Variants in DDI2 observed in about 807,000 individuals in gnomAD.
The protein encoded by DDI2 is protein DDI1 homolog 2.
In DDI2, 5 loss-of-function variants were observed where a neutral mutation model predicts 48.1. That is an observed-to-expected ratio of 0.10 (90% CI 0.05 to 0.22). DDI2 has a LOEUF of 0.22. DDI2 is among the 10% of genes least tolerant of loss of function. The probability of loss-of-function intolerance (pLI) is 1.00; values close to 1 mark genes in which losing one functional copy is unlikely to be tolerated. For missense variants in DDI2, 285 were observed against 506.2 expected, an observed-to-expected ratio of 0.56 and a Z score of 4.19; for synonymous variants, 205 against 183.6, an observed-to-expected ratio of 1.12 and a Z score of -0.94.
intron 9 of DDI2, 190 bp downstream of exon 9, chr1:15,656,869 A>G: frequency 1.4e-6 from 1 of 709,268 alleles, no homozygotes; most frequent in Middle Eastern, 4.3e-4. Context: ...ACTCCTGTTT[A>G]AAAATGGATT....
Position 15,659,855 on chromosome 1 carries a change from C to T in DDI2, c.*65C>T. 1 of 1,546,520 alleles carries T rather than the reference C, an allele frequency of 6.5e-7. No homozygotes were observed. Among genetic ancestry groups the T allele is most frequent in the Non-Finnish European group, 8.7e-7 (1 of 1,151,790 alleles). ...CATATAGAGAAAAGTGGTAAAGAAT[C>T]TACCTCACTGGGAATGTCATCATTA... On this transcript the variant is annotated 3_prime_UTR_variant, in exon 10 of 10. Coordinates refer to ENST00000480945, the MANE Select transcript of DDI2 (RefSeq NM_032341.5).
Position 15,652,456 on chromosome 1 carries a change from G to C in DDI2, c.1183+561G>C, listed in dbSNP as rs868402226. ...CACTTTGGGAGGCTCCGGAGGGGGG[G>C]GGGGGGGGGCGGATCACCTGAGGTC... is the stretch of plus-strand genomic sequence containing the variant. On this transcript the variant is annotated intron_variant, in intron 8 of 9. Coordinates refer to ENST00000480945, the MANE Select transcript of DDI2 (RefSeq NM_032341.5). Among the ~76,000 whole-genome samples, 32 of 99,840 alleles carry C rather than the reference G, an allele frequency of 3.2e-4. 6 individuals carry two copies. The highest frequency in any genetic ancestry group is 1.2e-3 in the South Asian group (3 of 2,468). 65.5% of individuals were successfully genotyped at this position (99,840 alleles called of 152,430 possible). A position where few individuals can be genotyped will look rare whatever the true frequency, so the allele number is the denominator to read the frequency against.
intron 2 of DDI2, among the ~76,000 whole-genome samples, chr1:15,629,803 C>T (rs1639814991): frequency 6.6e-6 from 1 of 150,760 alleles, no homozygotes; most frequent in Non-Finnish European, 1.5e-5. Flanking sequence ...GCCATCTCGG[C>T]TCACTGCAAC....
intron 8 of DDI2, among the ~76,000 whole-genome samples, chr1:15,653,727 G>A (rs1640229006): frequency 6.6e-6 from 1 of 151,912 alleles, no homozygotes; most frequent in Admixed American, 6.6e-5. Context: ...GAACTCCTGG[G>A]CTCAAGCAAT....
Position 15,667,402 on chromosome 1 carries a change from G to C in DDI2, c.*7612G>C, listed in dbSNP as rs1043130605. 6.6e-6 allele frequency: 1 copy of C among 152,188 alleles called. No homozygotes were observed. The highest frequency in any genetic ancestry group is 1.5e-5 in the Non-Finnish European group (1 of 68,042). 9.4% of individuals were successfully genotyped at this position (152,188 alleles called of 1,614,324 possible). On this transcript the variant is annotated 3_prime_UTR_variant, in exon 10 of 10. Transcript: ENST00000480945. ...CCAGTGACAGTCAGTCAATCCATCAGACCACCTCACATGCAGGGTAGAAAC... is the reference window on the plus strand; with the variant it reads ...CCAGTGACAGTCAGTCAATCCATCACACCACCTCACATGCAGGGTAGAAAC...
chr1:15,633,477 C>T lies in DDI2; in HGVS notation c.544C>T (p.Arg182Ter), dbSNP rs777089239. The T allele has an allele frequency of 6.2e-7, 1 of 1,613,622 alleles. No homozygotes were observed. Among genetic ancestry groups the T allele is most frequent in the Non-Finnish European group, 8.5e-7 (1 of 1,179,724 alleles). ...AGTCCTGGTGGAGCAGCAGCAGGAC[C>T]GAGCCCGGAGAGAGCAAGAAAGGAT... is the stretch of plus-strand genomic sequence containing the variant. ...SRVLVEQQQDRARREQERIRL... is the reference protein window; with the variant it reads ...SRVLVEQQQD The change falls in exon 4 of 10, where the codon CGA becomes TGA. Residue 182 changes from arginine to a stop codon, truncating the protein, a stop_gained. Transcript: ENST00000480945. LOFTEE classifies it high-confidence loss of function.
intron 1 of DDI2, among the ~76,000 whole-genome samples, chr1:15,621,121 A>G (rs1421492063): frequency 6.6e-6 from 1 of 152,204 alleles, no homozygotes; most frequent in Non-Finnish European, 1.5e-5. Context: ...TCTTAATAGA[A>G]GTGTGGGCTT....
intron 4 of DDI2, chr1:15,634,200 T>A: frequency 6.3e-6 from 1 of 158,560 alleles, no homozygotes; most frequent in Non-Finnish European, 1.4e-5. Context: ...ATCTGATGAA[T>A]CAGAATTGTC....
chr1:15,636,507 C>G (rs1046314693), intron 4 of DDI2, among the ~76,000 whole-genome samples: 5 of 151,730 alleles, frequency 3.3e-5, no homozygotes, highest in African/African-American at 7.3e-5. Context: ...GTATCTTGCT[C>G]TGTCGTCCAG....
Position 15,651,762 on chromosome 1 carries a change from C to A in DDI2, c.1050C>A (p.Thr350=). 6.2e-7 allele frequency: 1 copy of A among 1,613,722 alleles called. No individual in the cohort carries two copies. Among genetic ancestry groups the A allele is most frequent in the South Asian group, 1.1e-5 (1 of 91,038 alleles). ...VLVIGTTGSQ[T]TFLPEGELPE... ...TGATCGGCACCACAGGCTCCCAGAC[C>A]ACCTTTCTTCCTGAGGGAGAGCTAC... is the stretch of plus-strand genomic sequence containing the variant. The change falls in exon 8 of 10, where the codon ACC becomes ACA. Residue 350 remains threonine (T), a synonymous_variant. Transcript: ENST00000480945.
At chr1:15,629,733 T>A (rs1168332391) in intron 2 of DDI2, among the ~76,000 whole-genome samples, 2 of 151,910 alleles carry the variant, frequency 1.3e-5, no homozygotes, top group Non-Finnish European at 2.9e-5. Context: ...TTAATTTTTT[T>A]TTTTTTTTTT....
intron 6 of DDI2, among the ~76,000 whole-genome samples, chr1:15,644,793 C>G (rs1037670396): frequency 2.6e-5 from 4 of 151,918 alleles, no homozygotes; most frequent in Admixed American, 6.6e-5. Flanking sequence ...CGGGGTTTCA[C>G]CGTGTTAGCC....
At chr1:15,632,806 A>G (rs1256981285) in intron 3 of DDI2, among the ~76,000 whole-genome samples, 1 of 151,890 alleles carries the variant, frequency 6.6e-6, no homozygotes, top group South Asian at 2.1e-4. Flanking sequence ...GAGTGGAGAC[A>G]TTGATCTGCC....
At chr1:15,647,509 C>G (rs1352547895) in intron 6 of DDI2, among the ~76,000 whole-genome samples, 2 of 152,048 alleles carry the variant, frequency 1.3e-5, no homozygotes, top group Non-Finnish European at 2.9e-5. Context: ...TTTTTTCCCC[C>G]TAGTCAAGAT....
At position 15,651,836 on chromosome 1, in the gene DDI2, C is replaced by G; in HGVS notation, c.1124C>G (p.Pro375Arg). ...AYGAGREDVRPEEIADQELAE... is the reference protein window; with the variant it reads ...AYGAGREDVRREEIADQELAE... ...GGGGCTGGAAGAGAGGATGTACGGC[C>G]AGAGGAGATTGCAGACCAAGAATTA... Residue 375 changes from proline to arginine, a missense_variant, in exon 8 of 10, where the codon CCA becomes CGA. Physicochemically the swap from Pro to Arg is moderately radical, Grantham distance 103. Around this residue, in one of 3 missense-constraint regions of DDI2, gnomAD observed 66 missense variants for 87.3 expected, o/e 0.76. Coordinates refer to ENST00000480945, the MANE Select transcript of DDI2 (RefSeq NM_032341.5). 3 of 1,613,904 alleles carry G rather than the reference C, an allele frequency of 1.9e-6. No homozygotes were observed. Among genetic ancestry groups the G allele is most frequent in the South Asian group, 2.2e-5 (2 of 91,066 alleles).
intron 8 of DDI2, among the ~76,000 whole-genome samples, chr1:15,655,559 C>G (rs1640258186): frequency 6.6e-6 from 1 of 151,932 alleles, no homozygotes; most frequent in Non-Finnish European, 1.5e-5. Context: ...TTGAGACCAG[C>G]CTGGCCAACA....
In DDI2 at chr1:15,638,298, C is replaced by T. The variant is rs767074012; in HGVS notation, c.633-9C>T. ...TGCTTTCAGTGTCCCTGGTCTTGTT[C>T]TGTTACAGGCAACAGAACATTGAGG... On this transcript the variant is annotated splice_polypyrimidine_tract_variant and intron_variant, in intron 4 of 9. Transcript: ENST00000480945. 3 of 1,613,290 alleles carry T rather than the reference C, an allele frequency of 1.9e-6. No homozygotes were observed. The highest frequency in any genetic ancestry group is 2.7e-5 in the African/African-American group (2 of 74,834).
At chr1:15,633,856 G>T in intron 4 of DDI2, 3 of 465,864 alleles carry the variant, frequency 6.4e-6, no homozygotes, top group South Asian at 4.7e-5. Flanking sequence ...AATGACCCCC[G>T]GACTGAGCAG....
rs138470671 is a variant in DDI2, at chr1:15,644,587, G to GTTT, written c.889+959_889+961dup. Among the ~76,000 whole-genome samples the GTTT allele has an allele frequency of 3.2e-3, 183 of 57,812 alleles. 5 individuals carry two copies. Among genetic ancestry groups the GTTT allele is most frequent in the Middle Eastern group, 0.019 (1 of 54 alleles). The allele number at this position is 57,812 out of a possible 152,430, so 37.9% of individuals were successfully genotyped here. The stretch of plus-strand genomic sequence containing the variant: ...TTTCTTTTTCTTTTCAGTTTTTTTT[G>GTTT]TTTTTTTTTTTTTTTTTTTTTTTTG... On this transcript the variant is annotated intron_variant, in intron 6 of 9. Coordinates refer to ENST00000480945, the MANE Select transcript of DDI2 (RefSeq NM_032341.5).
Sources: allele counts gnomAD v4.1 joint callset (sites outside exome capture counted in the v4.1 genomes callset), GRCh38; gene constraint gnomAD v4.1.1; regional missense constraint gnomAD v4.1.1; transcripts MANE v1.5; gene names NCBI Gene and HGNC (gene_info 2026-07-23, HGNC 2026-07-21).